Variants in EXOC5 observed in about 807,000 individuals in gnomAD.
The protein encoded by EXOC5 is SEC10-like 1.
Under a neutral mutation model 90.8 loss-of-function variants are expected in EXOC5, and 17 were observed. The observed-to-expected ratio is 0.19, with a 90% confidence interval of 0.13 to 0.28. EXOC5 has a LOEUF of 0.28. Among genes scored for constraint, EXOC5 ranks in the 10% least tolerant of loss-of-function variants. The pLI, the probability that EXOC5 is intolerant of heterozygous loss-of-function variation, is 1.00. For missense variants in EXOC5, 569 were observed against 830.6 expected (o/e 0.69, Z 3.87); for synonymous variants, 260 against 270.0 (o/e 0.96, Z 0.36).
intron 12 of EXOC5, among the ~76,000 whole-genome samples, chr14:57,224,274 T>A (rs1348453322): frequency 6.6e-6 from 1 of 151,752 alleles, no homozygotes; most frequent in Non-Finnish European, 1.5e-5. Context: ...AGGGAAAAAT[T>A]AATGAAACCA....
At position 57,219,313 on chromosome 14, in the gene EXOC5, T is replaced by C. The variant is rs747258372; in HGVS notation, c.1526+9A>G. 24 of 1,445,762 alleles carry C rather than the reference T, an allele frequency of 1.7e-5. No homozygotes were observed. Among genetic ancestry groups the C allele is most frequent in the Non-Finnish European group, 2.0e-5 (22 of 1,085,514 alleles). 89.6% of individuals were successfully genotyped at this position (1,445,762 alleles called of 1,614,324 possible). A position where few individuals can be genotyped will look rare whatever the true frequency, so the allele number is the denominator to read the frequency against. Reference sequence around the variant, plus strand: ...GAAATATCAATGAAAATCAGATAATTTGACTAACCTTATTAGTGGCATAAG... The same window carrying C: ...GAAATATCAATGAAAATCAGATAATCTGACTAACCTTATTAGTGGCATAAG... On this transcript the variant is annotated intron_variant, in intron 14 of 17. Transcript: ENST00000621441.
chr14:57,237,120 A>G (rs1471418504), intron 6 of EXOC5, among the ~76,000 whole-genome samples: 1 of 152,096 alleles, frequency 6.6e-6, no homozygotes, highest in African/African-American at 2.4e-5. Context: ...TTTATGTCTT[A>G]TGCTTGTATA....
intron 15 of EXOC5, among the ~76,000 whole-genome samples, chr14:57,214,887 G>GA (rs1015650186): frequency 2.0e-5 from 3 of 152,130 alleles, no homozygotes; most frequent in African/African-American, 7.2e-5. Context: ...GCTGAAGTCA[G>GA]AAAAATCCCA....
intron 1 of EXOC5, among the ~76,000 whole-genome samples, chr14:57,257,331 C>A (rs779461383): frequency 6.6e-6 from 1 of 151,400 alleles, no homozygotes; most frequent in Non-Finnish European, 1.5e-5. Context: ...AGTGTAGATG[C>A]CTATTAGATA....
intron 17 of EXOC5, among the ~76,000 whole-genome samples, 158 bp downstream of exon 17, chr14:57,209,409 G>T (rs1882759087): frequency 6.6e-6 from 1 of 151,444 alleles, no homozygotes; most frequent in South Asian, 2.1e-4. Context: ...AATAATAATT[G>T]GAACAACACT....
chr14:57,263,429 T>G (rs1415666104), intron 1 of EXOC5, among the ~76,000 whole-genome samples: 1 of 151,136 alleles, frequency 6.6e-6, no homozygotes, highest in African/African-American at 2.4e-5. Context: ...GTGATTACAC[T>G]ACTGCACTCC....
rs1243457103 is a variant in EXOC5, at chr14:57,200,851, G to C, written c.*7758C>G. 6.6e-6 allele frequency: 1 copy of C among 151,122 alleles called. No homozygotes were observed. Among genetic ancestry groups the C allele is most frequent in the African/African-American group, 2.4e-5 (1 of 41,102 alleles). The allele number at this position is 151,122 out of a possible 1,614,324, so 9.4% of individuals were successfully genotyped here. A position where few individuals can be genotyped will look rare whatever the true frequency, so the allele number is the denominator to read the frequency against. On this transcript the variant is annotated 3_prime_UTR_variant, in exon 18 of 18. Coordinates refer to ENST00000621441, the MANE Select transcript of EXOC5 (RefSeq NM_006544.4). ...ATTTAATATTTTAAAATTTTTACAG[G>C]ATTTCTGCAATGACCATTCTTATTC...
intron 1 of EXOC5, among the ~76,000 whole-genome samples, chr14:57,262,320 A>G (rs1373425625): frequency 1.3e-5 from 2 of 152,092 alleles, no homozygotes; most frequent in Non-Finnish European, 2.9e-5. Flanking sequence ...CTGAGGTACA[A>G]AGAGGTTGGG....
chr14:57,212,841 C>T (rs1882868738), intron 15 of EXOC5, among the ~76,000 whole-genome samples: 1 of 152,206 alleles, frequency 6.6e-6, no homozygotes, highest in African/African-American at 2.4e-5. Flanking sequence ...TTCATGATCA[C>T]CATACCATTA....
At chr14:57,224,691 G>A (rs543559592) in intron 12 of EXOC5, among the ~76,000 whole-genome samples, 104 of 152,260 alleles carry the variant, frequency 6.8e-4, no homozygotes, top group African/African-American at 2.4e-3. Flanking sequence ...AGAAAATTGA[G>A]AGGGGTGGTG....
chr14:57,267,670 T>C (rs559423459), intron 1 of EXOC5, among the ~76,000 whole-genome samples: 10 of 152,350 alleles, frequency 6.6e-5, no homozygotes, highest in Non-Finnish European at 1.0e-4. Flanking sequence ...ATACGTGTCA[T>C]TGTTTTGTAG....
chr14:57,256,406 C>T (rs1355743286), intron 1 of EXOC5, among the ~76,000 whole-genome samples: 1 of 152,058 alleles, frequency 6.6e-6, no homozygotes, highest in African/African-American at 2.4e-5. Flanking sequence ...GAGTTACAAT[C>T]GATAGTAGAG....
At chr14:57,266,622 G>A (rs925529660) in intron 1 of EXOC5, among the ~76,000 whole-genome samples, 1 of 151,854 alleles carries the variant, frequency 6.6e-6, no homozygotes, top group African/African-American at 2.4e-5. Context: ...AAGGGCTACT[G>A]TCTCTATTAT....
At chr14:57,214,948 G>A (rs186975243) in intron 15 of EXOC5, among the ~76,000 whole-genome samples, 288 of 152,196 alleles carry the variant, frequency 1.9e-3, no homozygotes, top group African/African-American at 6.2e-3. Context: ...GAGAAGAATC[G>A]GCTGGGCGCA....
intron 1 of EXOC5, among the ~76,000 whole-genome samples, chr14:57,261,403 A>G (rs1342955803): frequency 6.6e-6 from 1 of 152,238 alleles, no homozygotes. Flanking sequence ...GCTTATTCCA[A>G]AAGTTCACTT....
At chr14:57,258,884 C>T (rs7143805) in intron 1 of EXOC5, among the ~76,000 whole-genome samples, 37,070 of 152,060 alleles carry the variant, frequency 0.24, 10,869 homozygotes, top group African/African-American at 0.71. Flanking sequence ...TAGGATATTT[C>T]CCCCAGCCTA....
intron 1 of EXOC5, among the ~76,000 whole-genome samples, chr14:57,259,559 C>G (rs574242511): frequency 6.6e-6 from 1 of 152,192 alleles, no homozygotes; most frequent in East Asian, 1.9e-4. Flanking sequence ...CCAGGTAACT[C>G]ACCCCACCAA....
chr14:57,239,535 A>C, intron 5 of EXOC5, 60 bp downstream of exon 5: 1 of 939,588 alleles, frequency 1.1e-6, no homozygotes, highest in Non-Finnish European at 1.6e-6. Context: ...AGGAAAAGAT[A>C]CTATTTTATT....
At chr14:57,210,833 A>G (rs994745799) in intron 15 of EXOC5, among the ~76,000 whole-genome samples, 1 of 152,226 alleles carries the variant, frequency 6.6e-6, no homozygotes, top group Non-Finnish European at 1.5e-5. Flanking sequence ...TAACATAACC[A>G]CAATACCTGT....
Sources: allele counts gnomAD v4.1 joint callset (sites outside exome capture counted in the v4.1 genomes callset), GRCh38; gene constraint gnomAD v4.1.1; transcripts MANE v1.5; gene names NCBI Gene and HGNC (gene_info 2026-07-23, HGNC 2026-07-21).